KDM4F: variants seen among roughly 807,000 people sequenced by gnomAD.
The protein encoded by KDM4F is lysine demethylase 4F, also known as probable lysine-specific demethylase 4F.
For missense variants in KDM4F, 586 were observed against 496.4 expected (o/e 1.18, Z -1.71); for synonymous variants, 223 against 184.4 (o/e 1.21, Z -1.70).
At chr11:95,050,770 AG>A in the KDM4F span, 2 of 649,092 alleles carry the variant, frequency 3.1e-6, no homozygotes, top group African/African-American at 3.6e-5. Flanking sequence ...CTGGGGACTG[AG>A]GAGACAACTG....
chr11:95,049,744 A>G (rs1320079080), exon 1 of KDM4F: 6 of 1,605,110 alleles, frequency 3.7e-6, no homozygotes, highest in Non-Finnish European at 5.1e-6. Flanking sequence ...AAAAAATATC[A>G]GACTCCGCCA....
exon 1 of KDM4F, chr11:95,050,027 C>T: frequency 1.9e-6 from 3 of 1,613,746 alleles, no homozygotes; most frequent in East Asian, 2.2e-5. Flanking sequence ...ACTACCTGCA[C>T]TTTGGGGAGC....
the KDM4F span, chr11:95,051,279 C>T: frequency 1.0e-5 from 4 of 398,610 alleles, no homozygotes; most frequent in African/African-American, 8.2e-5. Context: ...TATTTTCCTC[C>T]AATGCATGAT....
chr11:95,050,003 C>A (rs1858495006), exon 1 of KDM4F: 3 of 1,614,026 alleles, frequency 1.9e-6, no homozygotes, highest in African/African-American at 2.7e-5. Flanking sequence ...AGGACATGGA[C>A]CTTTACAGCA....
exon 1 of KDM4F, chr11:95,050,100 C>T (rs1858496128): frequency 6.3e-7 from 1 of 1,586,714 alleles, no homozygotes; most frequent in Non-Finnish European, 8.7e-7. Flanking sequence ...GGCCAGGGAG[C>T]TCTTCCCAGG....
exon 1 of KDM4F, chr11:95,051,156 C>G (rs2134140202): frequency 2.5e-6 from 1 of 399,768 alleles, no homozygotes; most frequent in South Asian, 1.3e-4. Flanking sequence ...AGCAATGGAC[C>G]ATTCTTATGC....
exon 1 of KDM4F, chr11:95,050,108 A>G (rs1858496244): frequency 3.8e-6 from 6 of 1,578,078 alleles, no homozygotes; most frequent in South Asian, 1.1e-5. Context: ...AGCTCTTCCC[A>G]GGCAATTCCC....
At chr11:95,050,836 G>A (rs1237037896) in exon 1 of KDM4F, 2 of 555,190 alleles carry the variant, frequency 3.6e-6, no homozygotes, top group East Asian at 2.9e-5. Flanking sequence ...AGAGCTCCAG[G>A]CCGCAAACCT....
At chr11:95,049,800 C>A in exon 1 of KDM4F, 2 of 1,594,122 alleles carry the variant, frequency 1.3e-6, no homozygotes, top group East Asian at 4.5e-5. Context: ...GAAGAGCCAC[C>A]CCGGTAATCC....
At chr11:95,050,401 C>G in exon 1 of KDM4F, 2 of 891,660 alleles carry the variant, frequency 2.2e-6, no homozygotes, top group South Asian at 2.7e-5. Flanking sequence ...ATCCTGCAAC[C>G]CGAGAGCTAT....
At chr11:95,050,414 G>A (rs868926788) in exon 1 of KDM4F, 5 of 863,616 alleles carry the variant, frequency 5.8e-6, no homozygotes, top group South Asian at 2.7e-5. Context: ...AGAGCTATGA[G>A]CTCTGGAAAC....
At chr11:95,049,623 A>G (rs539757235) in exon 1 of KDM4F, 19 of 1,599,730 alleles carry the variant, frequency 1.2e-5, no homozygotes, top group Non-Finnish European at 1.5e-5. Context: ...AGACATCTTA[A>G]TAGCCACTCC....
exon 1 of KDM4F, chr11:95,050,765 G>C: frequency 1.5e-6 from 1 of 651,092 alleles, no homozygotes; most frequent in Non-Finnish European, 2.8e-6. Context: ...GAGAACTGGG[G>C]ACTGAGGAGA....
chr11:95,050,638 C>T (rs1858501963), exon 1 of KDM4F: 2 of 621,592 alleles, frequency 3.2e-6, no homozygotes, highest in East Asian at 2.7e-5. Flanking sequence ...CCTGGATCTG[C>T]AATCCAAGCC....
exon 1 of KDM4F, chr11:95,051,305 A>G: frequency 2.5e-6 from 1 of 398,694 alleles, no homozygotes; most frequent in Non-Finnish European, 4.4e-6. Flanking sequence ...CTCTGGACCC[A>G]TGGCCATTGA....
exon 1 of KDM4F, chr11:95,049,703 G>T (rs1209094177): frequency 1.9e-6 from 3 of 1,604,350 alleles, no homozygotes; most frequent in Admixed American, 1.7e-5. Flanking sequence ...AAGCCATGAG[G>T]GTGGGGCAGT....
exon 1 of KDM4F, chr11:95,050,768 T>A: frequency 1.5e-6 from 1 of 649,802 alleles, no homozygotes; most frequent in Non-Finnish European, 2.8e-6. Context: ...AACTGGGGAC[T>A]GAGGAGACAA....
chr11:95,050,292 A>T, exon 1 of KDM4F: 2 of 1,432,712 alleles, frequency 1.4e-6, no homozygotes, highest in South Asian at 2.3e-5. Context: ...AGAGGCCATC[A>T]ACTTTGCCAC....
At chr11:95,050,051 C>G in the KDM4F span, 2 of 1,604,546 alleles carry the variant, frequency 1.2e-6, no homozygotes, top group South Asian at 1.1e-5. Flanking sequence ...AAACTTGGTA[C>G]GTGGTGCCCC....
Sources: gnomAD v4.1 joint callset for allele counts on GRCh38, gnomAD v4.1.1 for gene constraint, MANE v1.5 for transcripts, NCBI Gene and HGNC (gene_info 2026-07-23, HGNC 2026-07-21) for gene names.